The following HSP90AB1 variants were observed in gnomAD, a reference collection of about 807,000 sequenced individuals.
HSP90AB1 encodes the protein heat shock protein 90 alpha family class B member 1.
Under a neutral mutation model 67.8 loss-of-function variants are expected in HSP90AB1, and 17 were observed. The ratio of observed to expected loss-of-function variants is 0.25; its 90% CI spans 0.17 to 0.38. The LOEUF (loss-of-function observed/expected upper bound fraction) is 0.38. Among genes scored for constraint, HSP90AB1 ranks in the 10% least tolerant of loss-of-function variants. The probability of loss-of-function intolerance (pLI) is 1.00; values close to 1 mark genes in which losing one functional copy is unlikely to be tolerated. For synonymous variants in HSP90AB1, 390 were observed against 312.9 expected (o/e 1.25, Z -2.60); for missense variants, 690 against 899.9 (o/e 0.77, Z 2.98).
rs764350566 is a variant in HSP90AB1, at chr6:44,253,550, C to T, written c.2127C>T (p.Pro709=). The change falls in exon 12 of 12, where the codon CCC becomes CCT. Residue 709 remains proline (P), a synonymous_variant. Transcript: ENST00000371646. ...ATGCTGCAGTTCCTGATGAGATCCCCCCTCTCGAGGGCGATGAGGATGCGT... is the reference window on the plus strand; with the variant it reads ...ATGCTGCAGTTCCTGATGAGATCCCTCCTCTCGAGGGCGATGAGGATGCGT... ...EPNAAVPDEI[P]PLEGDEDASR... The T allele has an allele frequency of 5.6e-6, 9 of 1,614,112 alleles. No homozygotes were observed. The highest frequency in any genetic ancestry group is 3.3e-5 in the South Asian group (3 of 91,076).
intron 10 of HSP90AB1, among the ~76,000 whole-genome samples, 154 bp downstream of exon 10, chr6:44,252,421 A>C (rs1050373740): frequency 6.6e-6 from 1 of 152,188 alleles, no homozygotes; most frequent in Admixed American, 6.5e-5. Context: ...GTTTAAGGCT[A>C]TTTTAATAAA....
chr6:44,252,827 T>C (rs1027300922), intron 10 of HSP90AB1, among the ~76,000 whole-genome samples: 5 of 151,348 alleles, frequency 3.3e-5, no homozygotes, highest in Non-Finnish European at 5.9e-5. Flanking sequence ...TGGATCTCGC[T>C]CACTGCAAAC....
chr6:44,252,677 T>C (rs1336993671), intron 10 of HSP90AB1, among the ~76,000 whole-genome samples: 1 of 152,158 alleles, frequency 6.6e-6, no homozygotes, highest in East Asian at 1.9e-4. Flanking sequence ...TTTGTATTTT[T>C]AGTAGAGATG....
In HSP90AB1 at chr6:44,253,065, T is replaced by A. The variant is rs767449892; in HGVS notation, c.1752T>A (p.Leu584=). Residue 584 remains leucine, a synonymous_variant, in exon 11 of 12, where the codon CTT becomes CTA. Coordinates refer to ENST00000371646, the MANE Select transcript of HSP90AB1 (RefSeq NM_007355.4). ...CACAGGTGACAATCTCCAATAGACTTGTGTCTTCACCTTGCTGCATTGTGA... is the reference window on the plus strand; with the variant it reads ...CACAGGTGACAATCTCCAATAGACTAGTGTCTTCACCTTGCTGCATTGTGA... ...KVEKVTISNR[L]VSSPCCIVTS... 2.8e-5 allele frequency: 45 copies of A among 1,613,810 alleles called. No individual in the cohort carries two copies. In the Admixed American group the frequency reaches 7.5e-4, roughly 27 times the overall value.
chr6:44,251,205 A>G lies in HSP90AB1; in HGVS notation c.1115A>G (p.Glu372Gly), dbSNP rs1780599109. ...IMDSCDELIPEYLNFIRGVVD... is the reference protein window; with the variant it reads ...IMDSCDELIPGYLNFIRGVVD... ...GACAGCTGTGATGAGTTGATACCAG[A>G]GTATCTCAGTGAGTATCTCCTTGGC... is the stretch of plus-strand genomic sequence containing the variant. Residue 372 changes from glutamate (E) to glycine (G), a missense_variant, in exon 7 of 12, where the codon GAG becomes GGG. By Grantham distance (98) the Glu-to-Gly change is moderately conservative. Transcript: ENST00000371646. 1 of 1,613,958 alleles carries G rather than the reference A, an allele frequency of 6.2e-7. No homozygotes were observed.
intron 1 of HSP90AB1, chr6:44,247,800 TTCC>T (rs962951783): frequency 2.0e-5 from 3 of 152,230 alleles, no homozygotes; most frequent in African/African-American, 7.2e-5. Flanking sequence ...CATGGGCTCC[TTCC>T]TCCGCCCTTC....
At chr6:44,248,591 C>T (rs1780265673) in intron 1 of HSP90AB1, 39 bp from the exon 2 acceptor site, 3 of 1,586,230 alleles carry the variant, frequency 1.9e-6, no homozygotes, top group Non-Finnish European at 2.6e-6. Flanking sequence ...AACATGGGGC[C>T]TTAGTGTTCT....
In HSP90AB1 at chr6:44,250,013, T is replaced by C. The variant is rs1780446561; in HGVS notation, c.515-8T>C. 1 of 1,613,930 alleles carries C rather than the reference T, an allele frequency of 6.2e-7. No individual in the cohort carries two copies. The highest frequency in any genetic ancestry group is 1.3e-5 in the African/African-American group (1 of 74,934). On this transcript the variant is annotated splice_polypyrimidine_tract_variant and splice_region_variant and intron_variant, in intron 4 of 11. Transcript: ENST00000371646. ...ACCCTGTTACACGCTTGTAATTGAC[T>C]CTTCTAGGTGAGCCCATTGGCAGGG...
At chr6:44,252,361 C>T (rs1434285984) in intron 10 of HSP90AB1, 94 bp downstream of exon 10, 1 of 1,150,494 alleles carries the variant, frequency 8.7e-7, no homozygotes, top group Non-Finnish European at 1.3e-6. Context: ...TTTGAGGCAG[C>T]CTATTTACTG....
At chr6:44,250,869 C>G (rs772103534) in intron 6 of HSP90AB1, among the ~76,000 whole-genome samples, 179 bp from the exon 7 acceptor site, 15 of 152,224 alleles carry the variant, frequency 9.9e-5, no homozygotes, top group East Asian at 1.9e-4. Flanking sequence ...TTTCTACATA[C>G]AGCTAGTACC....
rs34734561 is a variant in HSP90AB1, at chr6:44,253,331, C to T, written c.2018C>T (p.Pro673Leu). 6.2e-7 allele frequency: 1 copy of T among 1,614,170 alleles called. No homozygotes were observed. Among genetic ancestry groups the T allele is most frequent in the African/African-American group, 1.3e-5 (1 of 75,052 alleles). ...LLSSGFSLED[P>L]QTHSNRIYRM... is the part of the protein sequence containing the mutation. The stretch of plus-strand genomic sequence containing the variant: ...TCTTCTGGCTTTTCCCTTGAGGATC[C>T]CCAGACCCACTCCAACCGCATCTAT... Residue 673 changes from proline to leucine, a missense_variant, in exon 11 of 12, where the codon CCC becomes CTC. Pro to Leu is a moderately conservative substitution (Grantham distance 98). Coordinates refer to ENST00000371646, the MANE Select transcript of HSP90AB1 (RefSeq NM_007355.4).
At position 44,253,469 on chromosome 6, in the gene HSP90AB1, A is replaced by G. The variant is rs368779224; in HGVS notation, c.2066-20A>G. Reference sequence around the variant, plus strand: ...TTAATGCTATTTGGTCAAGTCTCACATGGCTTAATTTTACTTCAGGTATTG... The same window carrying G: ...TTAATGCTATTTGGTCAAGTCTCACGTGGCTTAATTTTACTTCAGGTATTG... On this transcript the variant is annotated intron_variant, in intron 11 of 11. Coordinates refer to ENST00000371646, the MANE Select transcript of HSP90AB1 (RefSeq NM_007355.4). 1,607 of 1,611,160 alleles carry G rather than the reference A, an allele frequency of 1.0e-3. 18 individuals carry two copies. The South Asian group carries it at 0.016, about 17-fold the overall frequency.
Position 44,253,396 on chromosome 6 carries a change from T to G in HSP90AB1, c.2065+18T>G. The G allele has an allele frequency of 6.2e-7, 1 of 1,607,832 alleles. No homozygotes were observed. The stretch of plus-strand genomic sequence containing the variant: ...AGGTCTAGGTAAGTAGCTTTGGTAC[T>G]TGGTGTGGCAAGGAGTTTGTGCAAC... On this transcript the variant is annotated intron_variant, in intron 11 of 11. Transcript: ENST00000371646.
Position 44,250,409 on chromosome 6 carries a change from A to G in HSP90AB1, c.767A>G (p.Asp256Gly). 1 of 1,613,804 alleles carries G rather than the reference A, an allele frequency of 6.2e-7. No homozygotes were observed. The highest frequency in any genetic ancestry group is 8.5e-7 in the Non-Finnish European group (1 of 1,179,760). Residue 256 changes from aspartate to glycine, a missense_variant, in exon 6 of 12, where the codon GAT (aspartate) becomes GGT (glycine). Transcript: ENST00000371646. ...EKPKIEDVGS[D>G]EEDDSGKDKK... is the part of the protein sequence containing the mutation. ...CCCAAGATCGAAGATGTGGGTTCAGATGAGGAGGATGACAGCGGTAAGGAT... is the reference window on the plus strand; with the variant it reads ...CCCAAGATCGAAGATGTGGGTTCAGGTGAGGAGGATGACAGCGGTAAGGAT...
chr6:44,251,846 G>C lies in HSP90AB1; in HGVS notation c.1424G>C (p.Arg475Pro). 2.5e-6 allele frequency: 4 copies of C among 1,612,938 alleles called. No homozygotes were observed. The highest frequency in any genetic ancestry group is 3.4e-6 in the Non-Finnish European group (4 of 1,180,010). The stretch of plus-strand genomic sequence containing the variant: ...ACATCTCTGTCAGAGTATGTTTCTC[G>C]CATGAAGGAGACACAGAAGTCCATC... ...EMTSLSEYVS[R>P]MKETQKSIYY... The change falls in exon 9 of 12, where the codon CGC becomes CCC. Residue 475 changes from arginine to proline, a missense_variant. Around this residue, in one of 7 missense-constraint regions of HSP90AB1, gnomAD observed 206 missense variants for 221.4 expected, o/e 0.93. Coordinates refer to ENST00000371646, the MANE Select transcript of HSP90AB1 (RefSeq NM_007355.4).
Position 44,251,847 on chromosome 6 carries a change from C to T in HSP90AB1, c.1425C>T (p.Arg475=). The change falls in exon 9 of 12, where the codon CGC becomes CGT. Residue 475 remains arginine, a synonymous_variant. Transcript: ENST00000371646. ...EMTSLSEYVS[R]MKETQKSIYY... is the part of the protein sequence containing the mutation. The stretch of plus-strand genomic sequence containing the variant: ...CATCTCTGTCAGAGTATGTTTCTCG[C>T]ATGAAGGAGACACAGAAGTCCATCT... The T allele has an allele frequency of 1.9e-6, 3 of 1,612,952 alleles. No homozygotes were observed. Among genetic ancestry groups the T allele is most frequent in the Non-Finnish European group, 2.5e-6 (3 of 1,180,010 alleles).
rs1414846935 is a variant in HSP90AB1 at position 44,249,952 on chromosome 6, C to T, written c.515-69C>T. On this transcript the variant is annotated intron_variant, in intron 4 of 11. Coordinates refer to ENST00000371646, the MANE Select transcript of HSP90AB1 (RefSeq NM_007355.4). The stretch of plus-strand genomic sequence containing the variant: ...GTTCTTCACAGCAGTTCTGCTGATA[C>T]TTACTAATTGCTGGTCTCAACTGCA... 5 of 1,593,256 alleles carry T rather than the reference C, an allele frequency of 3.1e-6. No homozygotes were observed. The African/African-American group carries it at 5.4e-5, about 17-fold the overall frequency.
intron 10 of HSP90AB1, among the ~76,000 whole-genome samples, chr6:44,252,766 G>C (rs535711865): frequency 6.6e-6 from 1 of 150,674 alleles, no homozygotes; most frequent in Admixed American, 6.6e-5. Context: ...AAAGTGCTGG[G>C]ATTAACAGGC....
At position 44,253,841 on chromosome 6, in the gene HSP90AB1, GAAATT is replaced by G. The variant is rs1396177533; in HGVS notation, c.*247_*251del. ...TATTTTATTTTCTTCATTTTGTTCT[GAAATT>G]AAAGTATGCAAAATAAAGAATATGC... On this transcript the variant is annotated 3_prime_UTR_variant, in exon 12 of 12. Transcript: ENST00000371646. The G allele has an allele frequency of 1.4e-6, 1 of 738,372 alleles. No individual in the cohort carries two copies. The highest frequency in any genetic ancestry group is 1.7e-5 in the African/African-American group (1 of 58,522). The allele number at this position is 738,372 out of a possible 1,614,324, so 45.7% of individuals were successfully genotyped here.
Sources: allele counts gnomAD v4.1 joint callset (sites outside exome capture counted in the v4.1 genomes callset), GRCh38; gene constraint gnomAD v4.1.1; regional missense constraint gnomAD v4.1.1; transcripts MANE v1.5; gene names NCBI Gene and HGNC (gene_info 2026-07-23, HGNC 2026-07-21).